The following PRKG1 variants were observed in gnomAD, a reference collection of about 807,000 sequenced individuals.
PRKG1 encodes the protein cGMP-dependent protein kinase 1.
A neutral mutation model predicts 88.1 loss-of-function variants in PRKG1; 35 were observed. The ratio of observed to expected loss-of-function variants is 0.40; its 90% confidence interval spans 0.30 to 0.53. PRKG1 has a LOEUF of 0.53. PRKG1 is among the 20% of genes least tolerant of loss of function. PRKG1 has a pLI of 0.59. For synonymous variants in PRKG1, 303 were observed against 292.5 expected, an observed-to-expected ratio of 1.04 and a Z score of -0.37; for missense variants, 540 against 839.8, an observed-to-expected ratio of 0.64 and a Z score of 4.41.
intron 5 of PRKG1, among the ~76,000 whole-genome samples, chr10:51,923,443 T>C (rs1842504627): frequency 6.6e-6 from 1 of 151,010 alleles, no homozygotes; most frequent in Non-Finnish European, 1.5e-5. Context: ...CATATTATTA[T>C]ATGCTAATTT....
At chr10:51,219,781 A>G (rs957057634) in intron 2 of PRKG1, among the ~76,000 whole-genome samples, 1 of 152,028 alleles carries the variant, frequency 6.6e-6, no homozygotes, top group Non-Finnish European at 1.5e-5. Context: ...AATAGAGAGG[A>G]AGTGAAGGAT....
intron 3 of PRKG1, among the ~76,000 whole-genome samples, chr10:51,602,732 ATGTGTGTGTGTGTGTGTGTGTGTGTG>A (rs4041278): frequency 1.6e-5 from 2 of 128,878 alleles, no homozygotes; most frequent in East Asian, 2.0e-4. Flanking sequence ...ATTAATATAT[ATGTGTGTGTGTGTGTGTGTGTGTGTG>A]TGTGTGTGTG....
chr10:51,220,464 AG>A (rs1165925295), intron 2 of PRKG1, among the ~76,000 whole-genome samples: 3 of 152,212 alleles, frequency 2.0e-5, no homozygotes, highest in African/African-American at 7.2e-5. Context: ...AAAGACCAAA[AG>A]GCTACTTAAA....
intron 2 of PRKG1, among the ~76,000 whole-genome samples, chr10:51,214,773 A>G (rs1002690986): frequency 6.6e-6 from 1 of 152,054 alleles, no homozygotes. Flanking sequence ...CACCACAATC[A>G]GGCCCGGAGA....
chr10:51,862,507 G>C (rs1022603814), intron 4 of PRKG1, among the ~76,000 whole-genome samples: 1 of 152,156 alleles, frequency 6.6e-6, no homozygotes, highest in Admixed American at 6.5e-5. Flanking sequence ...GTAGCCCTCT[G>C]TGTGAGAAGG....
intron 2 of PRKG1, among the ~76,000 whole-genome samples, chr10:51,462,673 G>C (rs1471215128): frequency 6.6e-6 from 1 of 152,232 alleles, no homozygotes; most frequent in Non-Finnish European, 1.5e-5. Context: ...GTGCATTCAA[G>C]TTACCATGAT....
chr10:51,638,374 G>T (rs761428972), intron 3 of PRKG1, among the ~76,000 whole-genome samples: 1 of 152,222 alleles, frequency 6.6e-6, no homozygotes, highest in Non-Finnish European at 1.5e-5. Flanking sequence ...CATGTGGTGT[G>T]TGTAGCTTGG....
intron 3 of PRKG1, among the ~76,000 whole-genome samples, chr10:51,739,238 A>G (rs1462041694): frequency 6.6e-6 from 1 of 152,114 alleles, no homozygotes; most frequent in Non-Finnish European, 1.5e-5. Flanking sequence ...GAAATATCAT[A>G]TATTCATTTG....
intron 3 of PRKG1, among the ~76,000 whole-genome samples, chr10:51,737,578 G>A (rs1208923970): frequency 6.6e-6 from 1 of 152,058 alleles, no homozygotes; most frequent in African/African-American, 2.4e-5. Context: ...TCTCACTGCA[G>A]TTCATTGACT....
chr10:51,099,489 T>C (rs1157288164), intron 1 of PRKG1, among the ~76,000 whole-genome samples: 1 of 152,006 alleles, frequency 6.6e-6, no homozygotes, highest in Non-Finnish European at 1.5e-5. Context: ...AAAGAGGTGT[T>C]TGTGGGCTCT....
At chr10:52,092,089 A>G (rs1847071327) in intron 7 of PRKG1, among the ~76,000 whole-genome samples, 1 of 151,942 alleles carries the variant, frequency 6.6e-6, no homozygotes, top group African/African-American at 2.4e-5. Flanking sequence ...TGTGGTTCCT[A>G]TATTAAACCC....
At chr10:52,206,192 C>G (rs557878651) in intron 9 of PRKG1, among the ~76,000 whole-genome samples, 39 of 152,278 alleles carry the variant, frequency 2.6e-4, no homozygotes, top group African/African-American at 9.1e-4. Flanking sequence ...TCAGCTTGGT[C>G]TATTCTGCTG....
At chr10:51,881,037 T>C (rs528335674) in intron 4 of PRKG1, among the ~76,000 whole-genome samples, 24 of 145,760 alleles carry the variant, frequency 1.6e-4, no homozygotes, top group East Asian at 8.1e-4. Context: ...GGGGGGCAGA[T>C]AGTATGTGGG....
In PRKG1 at chr10:51,788,009, G is replaced by T. The variant is rs76086535; in HGVS notation, c.593-16576G>T. 8.2e-3 allele frequency among the ~76,000 whole-genome samples: 1,246 copies of T among 152,246 alleles called. 24 individuals carry two copies. Among genetic ancestry groups the T allele is most frequent in the African/African-American group, 0.028 (1,171 of 41,548 alleles). On this transcript the variant is annotated intron_variant, in intron 3 of 17. Transcript: ENST00000373980. Reference sequence around the variant, plus strand: ...ATGTAGTTGAGCAAGTCATTAGGGAGACTCGATAACACTCTGAGTATCATT... The same window carrying T: ...ATGTAGTTGAGCAAGTCATTAGGGATACTCGATAACACTCTGAGTATCATT...
At chr10:51,879,075 C>G (rs549342243) in intron 4 of PRKG1, among the ~76,000 whole-genome samples, 2 of 152,234 alleles carry the variant, frequency 1.3e-5, no homozygotes, top group Admixed American at 1.3e-4. Flanking sequence ...GACATCAAAA[C>G]AGAATAGGCA....
chr10:51,826,844 G>A (rs1839892697), intron 4 of PRKG1, among the ~76,000 whole-genome samples: 1 of 152,220 alleles, frequency 6.6e-6, no homozygotes, highest in African/African-American at 2.4e-5. Flanking sequence ...TTAAAATATA[G>A]CACAATAGAC....
At chr10:51,845,496 A>G (rs1840374806) in intron 4 of PRKG1, among the ~76,000 whole-genome samples, 1 of 152,204 alleles carries the variant, frequency 6.6e-6, no homozygotes, top group South Asian at 2.1e-4. Flanking sequence ...GAAAGTCCTT[A>G]ACCCATGGTT....
intron 2 of PRKG1, among the ~76,000 whole-genome samples, chr10:51,263,307 G>A (rs1436093920): frequency 6.6e-6 from 1 of 152,034 alleles, no homozygotes; most frequent in African/African-American, 2.4e-5. Flanking sequence ...GTTTCATGTT[G>A]ATATCAACGA....
chr10:51,748,854 A>T (rs1413059266), intron 3 of PRKG1, among the ~76,000 whole-genome samples: 1 of 152,252 alleles, frequency 6.6e-6, no homozygotes, highest in Non-Finnish European at 1.5e-5. Context: ...ATCATATGCT[A>T]CTATAATTTC....
Sources: allele counts gnomAD v4.1 joint callset (sites outside exome capture counted in the v4.1 genomes callset), GRCh38; gene constraint gnomAD v4.1.1; transcripts MANE v1.5; gene names NCBI Gene and HGNC (gene_info 2026-07-23, HGNC 2026-07-21).